The following CFAP54 variants were observed in gnomAD, a reference collection of about 807,000 sequenced individuals.
The protein encoded by CFAP54 is cilia and flagella associated protein 54, also known as cilia- and flagella-associated protein 54.
A neutral mutation model predicts 370.4 loss-of-function variants in CFAP54; 290 were observed. That is an observed-to-expected ratio of 0.78 (90% CI 0.71 to 0.86). CFAP54 has a LOEUF of 0.86. CFAP54 is among the 40% of genes least tolerant of loss of function. The pLI is 0.00. For missense variants in CFAP54, 3,399 were observed against 3,528.7 expected (o/e 0.96, Z 0.93); for synonymous variants, 1,206 against 1,236.5 (o/e 0.98, Z 0.52).
chr12:96,544,230 C>CT (rs1955612243), intron 14 of CFAP54, among the ~76,000 whole-genome samples: 1 of 152,046 alleles, frequency 6.6e-6, no homozygotes, highest in African/African-American at 2.4e-5. Context: ...TCATGACTCC[C>CT]TAGTTCTTAT....
At chr12:96,631,535 G>A (rs1728897104) in intron 32 of CFAP54, among the ~76,000 whole-genome samples, 1 of 150,886 alleles carries the variant, frequency 6.6e-6, no homozygotes, top group Non-Finnish European at 1.5e-5. Flanking sequence ...TCACTTATAC[G>A]TAAGTCTACT....
At chr12:96,646,442 G>T (rs1368397563) in intron 33 of CFAP54, 1 of 152,158 alleles carries the variant, frequency 6.6e-6, no homozygotes, top group African/African-American at 2.4e-5. Flanking sequence ...AAAAAGTCAG[G>T]AAACAAGAGG....
At chr12:96,736,043 G>A (rs915053359) in intron 50 of CFAP54, among the ~76,000 whole-genome samples, 6 of 152,146 alleles carry the variant, frequency 3.9e-5, no homozygotes, top group African/African-American at 1.4e-4. Context: ...AAACATACTG[G>A]ATTTGTGAGG....
intron 8 of CFAP54, among the ~76,000 whole-genome samples, chr12:96,525,877 G>C (rs1248146450): frequency 2.0e-5 from 3 of 152,200 alleles, no homozygotes; most frequent in Non-Finnish European, 4.4e-5. Flanking sequence ...TTTTAGTAGA[G>C]ATGAGGTTTC....
chr12:96,870,752 A>G (rs972444787), intron 67 of CFAP54, among the ~76,000 whole-genome samples: 2 of 152,182 alleles, frequency 1.3e-5, no homozygotes, highest in Admixed American at 6.5e-5. Flanking sequence ...TTATTGAACT[A>G]CCATTTGCCA....
At chr12:96,492,371 A>G (rs760764319) in intron 1 of CFAP54, among the ~76,000 whole-genome samples, 9 of 152,134 alleles carry the variant, frequency 5.9e-5, no homozygotes, top group Non-Finnish European at 1.2e-4. Flanking sequence ...AACAGGTCCT[A>G]CTGTTTCTCA....
At chr12:96,733,477 G>A (rs986089171) in intron 50 of CFAP54, among the ~76,000 whole-genome samples, 2 of 151,556 alleles carry the variant, frequency 1.3e-5, no homozygotes, top group African/African-American at 4.8e-5. Context: ...GAAATAAATG[G>A]GATCAAAGTT....
At position 96,664,697 on chromosome 12, in the gene CFAP54, CTATATATA is replaced by C. The variant is rs377611594; in HGVS notation, c.5563+775_5563+782del. ...AATTTATATTCCTTTGGGTATATAT[CTATATATA>C]TATATATATCTATATATATCTATAT... On this transcript the variant is annotated intron_variant, in intron 39 of 67. Transcript: ENST00000524981. Among the ~76,000 whole-genome samples the C allele has an allele frequency of 1.4e-3, 106 of 76,024 alleles. 3 individuals carry two copies. The highest frequency in any genetic ancestry group is 5.8e-3 in the African/African-American group (100 of 17,104). 49.9% of individuals were successfully genotyped at this position (76,024 alleles called of 152,430 possible).
intron 24 of CFAP54, among the ~76,000 whole-genome samples, chr12:96,593,658 C>G (rs1426456697): frequency 1.3e-5 from 2 of 151,968 alleles, no homozygotes; most frequent in Admixed American, 1.3e-4. Flanking sequence ...CTGGTTACCA[C>G]TCAGACAGTT....
chr12:96,677,498 G>A (rs973638556), intron 39 of CFAP54, among the ~76,000 whole-genome samples: 1 of 152,060 alleles, frequency 6.6e-6, no homozygotes, highest in African/African-American at 2.4e-5. Context: ...TACAATCTTC[G>A]GGGTGTTGTG....
chr12:96,592,815 GT>G (rs1330157985), intron 24 of CFAP54, among the ~76,000 whole-genome samples, 178 bp downstream of exon 24: 1 of 151,934 alleles, frequency 6.6e-6, no homozygotes, highest in East Asian at 1.9e-4. Context: ...CTGAGTTCAT[GT>G]TTTTTTCTCT....
chr12:96,786,528 A>T lies in CFAP54; in HGVS notation c.8456-147A>T, dbSNP rs1328408644. On this transcript the variant is annotated intron_variant, in intron 61 of 67. Coordinates refer to ENST00000524981, the MANE Select transcript of CFAP54 (RefSeq NM_001306084.2). ...GCAAGAAACAATTCCATTAGTGTATAAGCTCTAAAAACAGAGGGACGTCAT... is the reference window on the plus strand; with the variant it reads ...GCAAGAAACAATTCCATTAGTGTATTAGCTCTAAAAACAGAGGGACGTCAT... The T allele has an allele frequency of 4.8e-6, 3 of 626,318 alleles. No individual in the cohort carries two copies. The African/African-American group carries it at 5.5e-5, about 12-fold the overall frequency. The allele number at this position is 626,318 out of a possible 1,614,324, so 38.8% of individuals were successfully genotyped here.
chr12:96,718,351 CCT>C (rs1957708756), intron 48 of CFAP54, 90 bp from the exon 49 acceptor site: 1 of 702,256 alleles, frequency 1.4e-6, no homozygotes, highest in Non-Finnish European at 2.5e-6. Flanking sequence ...AGAGCCAGAC[CCT>C]GTCTCAAAAT....
At chr12:96,842,435 C>G (rs34443) in intron 66 of CFAP54, among the ~76,000 whole-genome samples, 1 of 152,000 alleles carries the variant, frequency 6.6e-6, no homozygotes, top group Non-Finnish European at 1.5e-5. Context: ...AATTCCACCC[C>G]CTCCTTAACT....
chr12:96,551,538 TA>T (rs987280811), intron 15 of CFAP54, among the ~76,000 whole-genome samples: 12 of 151,744 alleles, frequency 7.9e-5, no homozygotes, highest in African/African-American at 2.7e-4. Flanking sequence ...TATGTATATA[TA>T]GTATAAAATT....
In CFAP54 at chr12:96,658,285, T is replaced by C. The variant is rs760405724; in HGVS notation, c.5399T>C (p.Phe1800Ser). Residue 1800 changes from phenylalanine (F) to serine (S), a missense_variant, in exon 38 of 68, where the codon TTC becomes TCC. Phe to Ser is a radical substitution (Grantham distance 155). Transcript: ENST00000524981. ...CAGCTTCTGCTGAGAATACAGAAGT[T>C]CAAGGGCCCAGATATTACCCAACAA... ...QRQLLLRIQKFKGPDITQQPC... is the reference protein window; with the variant it reads ...QRQLLLRIQKSKGPDITQQPC... 2.7e-5 allele frequency: 44 copies of C among 1,614,006 alleles called. No homozygotes were observed. The highest frequency in any genetic ancestry group is 6.7e-5 in the East Asian group (3 of 44,882).
intron 45 of CFAP54, among the ~76,000 whole-genome samples, chr12:96,695,420 C>G (rs2136570203): frequency 6.6e-6 from 1 of 152,274 alleles, no homozygotes; most frequent in South Asian, 2.1e-4. Flanking sequence ...AATTCTAGTG[C>G]TGATTATTAA....
intron 15 of CFAP54, among the ~76,000 whole-genome samples, chr12:96,549,301 G>T (rs1592845748): frequency 6.6e-6 from 1 of 152,046 alleles, no homozygotes; most frequent in African/African-American, 2.4e-5. Flanking sequence ...AAATTTTCTG[G>T]CAATTAAAAC....
chr12:96,793,035 A>C (rs1265512018), intron 63 of CFAP54, among the ~76,000 whole-genome samples: 1 of 151,964 alleles, frequency 6.6e-6, no homozygotes, highest in Non-Finnish European at 1.5e-5. Context: ...TTTTTATACT[A>C]TTCTTTTTTA....
Sources: gnomAD v4.1 joint callset for allele counts (sites outside exome capture counted in the v4.1 genomes callset) on GRCh38, gnomAD v4.1.1 for gene constraint, MANE v1.5 for transcripts, NCBI Gene and HGNC (gene_info 2026-07-23, HGNC 2026-07-21) for gene names.